Variants in CLVS1 observed in about 807,000 individuals in gnomAD.
The protein encoded by CLVS1 is clavesin-1.
CLVS1 carries 10 observed loss-of-function variants against 33.1 expected under a neutral mutation model. That is an observed-to-expected ratio of 0.30 (90% CI 0.19 to 0.51). The LOEUF is 0.51. Ranked by LOEUF, CLVS1 falls within the 20% of genes least tolerant of loss-of-function variation. CLVS1 has a pLI of 0.97. For synonymous variants in CLVS1, 163 were observed against 166.1 expected (o/e 0.98, Z 0.14); for missense variants, 343 against 433.4 (o/e 0.79, Z 1.85).
At position 61,216,953 on chromosome 8, in the gene CLVS1, GC is replaced by G. The variant is rs1808103077; in HGVS notation, c.-151-82723del. On this transcript the variant is annotated intron_variant, in intron 2 of 2. Coordinates refer to the CLVS1 transcript ENST00000522621. ...GGGTGAAACAAATGCACAGATTTAAGCATTTTTAGTCTTTCTAAGTTCTCCA... is the reference window on the plus strand; with the variant it reads ...GGGTGAAACAAATGCACAGATTTAAGATTTTTAGTCTTTCTAAGTTCTCCA... Among the ~76,000 whole-genome samples the G allele has an allele frequency of 2.6e-5, 4 of 152,166 alleles. No homozygotes were observed. In the South Asian group the frequency reaches 8.3e-4, roughly 32 times the overall value.
chr8:61,213,400 C>T (rs956840190), intron 2 of CLVS1, among the ~76,000 whole-genome samples: 10 of 44,538 alleles, frequency 2.2e-4, no homozygotes, highest in Admixed American at 2.2e-3. Flanking sequence ...AGCCTAGTGT[C>T]CTCTTAAGAA....
At chr8:61,213,901 C>T (rs886530651) in intron 2 of CLVS1, among the ~76,000 whole-genome samples, 5 of 152,294 alleles carry the variant, frequency 3.3e-5, no homozygotes, top group African/African-American at 9.6e-5. Context: ...GGAGAAATAT[C>T]GCTGAACTCT....
chr8:61,203,312 G>T, intron 2 of CLVS1: 1 of 698,502 alleles, frequency 1.4e-6, no homozygotes, highest in Non-Finnish European at 2.6e-6. Flanking sequence ...TTTTTATAAT[G>T]CAGAGTGAGA....
chr8:61,048,118 T>C, the CLVS1 span, among the ~76,000 whole-genome samples: 1 of 152,176 alleles, frequency 6.6e-6, no homozygotes, highest in Non-Finnish European at 1.5e-5. Flanking sequence ...TGGTTCTTGG[T>C]GCTCCTAGGC....
chr8:61,150,499 G>A (rs778575055), intron 2 of CLVS1, among the ~76,000 whole-genome samples: 5 of 152,088 alleles, frequency 3.3e-5, no homozygotes, highest in East Asian at 3.9e-4. Flanking sequence ...TATGGGGGTC[G>A]GGGGCGTTTG....
chr8:61,191,334 G>C (rs994855799), intron 2 of CLVS1, among the ~76,000 whole-genome samples: 2 of 152,158 alleles, frequency 1.3e-5, no homozygotes, highest in African/African-American at 4.8e-5. Flanking sequence ...AGCGCTTCAT[G>C]CTAAAAACTC....
At chr8:61,032,810 G>T in the CLVS1 span, among the ~76,000 whole-genome samples, 6 of 151,826 alleles carry the variant, frequency 4.0e-5, no homozygotes, top group African/African-American at 1.5e-4. Context: ...AATGAAGCTG[G>T]TAAAAATGAG....
chr8:61,041,386 A>G, the CLVS1 span, among the ~76,000 whole-genome samples: 1 of 152,178 alleles, frequency 6.6e-6, no homozygotes, highest in Non-Finnish European at 1.5e-5. Flanking sequence ...GTATCTTGAT[A>G]GGAATAATGT....
the CLVS1 span, among the ~76,000 whole-genome samples, chr8:61,037,618 T>C: frequency 0.045 from 6,919 of 152,324 alleles, 214 homozygotes; most frequent in African/African-American, 0.091. Flanking sequence ...ACTTAGGATT[T>C]TGATAATGAC....
chr8:61,157,200 C>CT (rs200864926), intron 2 of CLVS1, among the ~76,000 whole-genome samples: 16 of 151,892 alleles, frequency 1.1e-4, no homozygotes, highest in African/African-American at 2.2e-4. Flanking sequence ...AGGGTAGGCT[C>CT]TTTTTTTTGC....
At chr8:61,069,779 TTTTTA>T (rs1212611021) in intron 1 of CLVS1, among the ~76,000 whole-genome samples, 2 of 152,118 alleles carry the variant, frequency 1.3e-5, no homozygotes, top group Admixed American at 1.3e-4. Flanking sequence ...TTTTTCTTTC[TTTTTA>T]TTTTATTTTA....
chr8:61,022,774 A>T, the CLVS1 span, among the ~76,000 whole-genome samples: 1 of 152,216 alleles, frequency 6.6e-6, no homozygotes, highest in African/African-American at 2.4e-5. Flanking sequence ...TTACGCTGAA[A>T]ACAATAGAGA....
intron 2 of CLVS1, chr8:61,202,677 G>C: frequency 6.5e-7 from 1 of 1,539,982 alleles, no homozygotes; most frequent in Non-Finnish European, 8.9e-7. Flanking sequence ...CAGGGCCAGT[G>C]CATATTAGTG....
At chr8:61,420,685 T>C (rs1373209432) in intron 3 of CLVS1, among the ~76,000 whole-genome samples, 3 of 152,206 alleles carry the variant, frequency 2.0e-5, no homozygotes, top group East Asian at 1.9e-4. Flanking sequence ...CAAAAACATA[T>C]GCGGCCAGGC....
chr8:61,185,859 T>C (rs1807334645), intron 2 of CLVS1, among the ~76,000 whole-genome samples: 2 of 152,186 alleles, frequency 1.3e-5, no homozygotes, highest in African/African-American at 2.4e-5. Flanking sequence ...GATAATTTAA[T>C]GGGCAAATAC....
At chr8:61,128,904 C>T (rs1194963098) in intron 1 of CLVS1, among the ~76,000 whole-genome samples, 1 of 152,206 alleles carries the variant, frequency 6.6e-6, no homozygotes, top group Non-Finnish European at 1.5e-5. Context: ...TTTCTTTTCT[C>T]ACTCTTTAGA....
At chr8:61,474,796 C>A (rs1225377695) in intron 5 of CLVS1, among the ~76,000 whole-genome samples, 2 of 151,474 alleles carry the variant, frequency 1.3e-5, no homozygotes, top group East Asian at 1.9e-4. Flanking sequence ...CAGGGCAAGT[C>A]TTTTTTTTTA....
intron 2 of CLVS1, among the ~76,000 whole-genome samples, chr8:61,243,180 G>T (rs1239857325): frequency 6.6e-6 from 1 of 152,112 alleles, no homozygotes; most frequent in East Asian, 1.9e-4. Context: ...GCCAGCAATG[G>T]GTGGTTCAGA....
the CLVS1 span, among the ~76,000 whole-genome samples, chr8:61,051,957 A>G: frequency 0.46 from 69,477 of 152,002 alleles, 16,633 homozygotes; most frequent in African/African-American, 0.6. Flanking sequence ...CTGGAGTCTG[A>G]CCTCACCTTT....
Sources: allele counts gnomAD v4.1 joint callset (sites outside exome capture counted in the v4.1 genomes callset), GRCh38; gene constraint gnomAD v4.1.1; transcripts MANE v1.5; gene names NCBI Gene and HGNC (gene_info 2026-07-23, HGNC 2026-07-21).